The following ATP2B2 variants were observed in gnomAD, a reference collection of about 807,000 sequenced individuals.
The protein encoded by ATP2B2 is plasma membrane calcium-transporting ATPase 2.
In ATP2B2, 15 loss-of-function variants were observed where a neutral mutation model predicts 120.0. The observed-to-expected ratio is 0.12, with a 90% CI of 0.08 to 0.19. The LOEUF is 0.19. Ranked by LOEUF, ATP2B2 falls within the 10% of genes least tolerant of loss-of-function variation. The pLI, the probability that ATP2B2 is intolerant of heterozygous loss-of-function variation, is 1.00. For synonymous variants in ATP2B2, 694 were observed against 700.3 expected (o/e 0.99, Z 0.14); for missense variants, 1,045 against 1,719.8 (o/e 0.61, Z 6.94).
intron 1 of ATP2B2, among the ~76,000 whole-genome samples, chr3:10,474,993 G>A (rs921087965): frequency 2.0e-5 from 3 of 152,326 alleles, no homozygotes; most frequent in Non-Finnish European, 2.9e-5. Context: ...CGTCTGAAAC[G>A]TATCATCACA....
At chr3:10,619,237 AG>A (rs1259228643) in intron 2 of ATP2B2, among the ~76,000 whole-genome samples, 1 of 152,102 alleles carries the variant, frequency 6.6e-6, no homozygotes, top group Non-Finnish European at 1.5e-5. Flanking sequence ...CATGATGGTG[AG>A]GGTTTCAGGC....
intron 2 of ATP2B2, among the ~76,000 whole-genome samples, chr3:10,579,917 G>A (rs952539225): frequency 6.6e-6 from 1 of 152,198 alleles, no homozygotes; most frequent in Non-Finnish European, 1.5e-5. Flanking sequence ...TGTAGCACAA[G>A]TGACTCCATT....
chr3:10,591,793 CT>C lies in ATP2B2; in HGVS notation c.-415+28123del, dbSNP rs553023603. Among the ~76,000 whole-genome samples the C allele has an allele frequency of 3.6e-3, 542 of 152,348 alleles. 3 individuals are homozygous for C. The highest frequency in any genetic ancestry group is 0.012 in the African/African-American group (517 of 41,574). On this transcript the variant is annotated intron_variant, in intron 2 of 21. Coordinates refer to the ATP2B2 transcript ENST00000646379. ...CCAGACGAGGGAGCTTAGGCTTGCA[CT>C]GCTGAAGGCCATTTAAGTAGTGCCA...
chr3:10,680,994 C>T (rs1016954398), intron 1 of ATP2B2, among the ~76,000 whole-genome samples: 13 of 152,240 alleles, frequency 8.5e-5, no homozygotes, highest in Admixed American at 4.6e-4. Flanking sequence ...TGTGCTCTCG[C>T]GAGATCTGGT....
intron 1 of ATP2B2, among the ~76,000 whole-genome samples, chr3:10,480,435 A>T (rs2065365964): frequency 6.6e-6 from 1 of 152,054 alleles, no homozygotes; most frequent in African/African-American, 2.4e-5. Flanking sequence ...TTCTCTCCAT[A>T]AGCTGCCAGA....
chr3:10,377,004 C>T (rs971412032), intron 10 of ATP2B2, among the ~76,000 whole-genome samples: 4 of 152,178 alleles, frequency 2.6e-5, no homozygotes, highest in Non-Finnish European at 4.4e-5. Flanking sequence ...CAATAGATCC[C>T]CTGCCTACCC....
At chr3:10,667,123 G>A (rs372389478) in intron 1 of ATP2B2, among the ~76,000 whole-genome samples, 2 of 152,340 alleles carry the variant, frequency 1.3e-5, no homozygotes, top group South Asian at 4.1e-4. Flanking sequence ...TCTGGAGAAT[G>A]AAGGGACTGG....
intron 1 of ATP2B2, among the ~76,000 whole-genome samples, chr3:10,621,377 G>A (rs527762794): frequency 2.0e-5 from 3 of 152,296 alleles, no homozygotes; most frequent in African/African-American, 7.2e-5. Context: ...AGAGCTCCCC[G>A]CCCCAAATCT....
chr3:10,388,492 G>A, intron 5 of ATP2B2, 90 bp from the exon 6 acceptor site: 3 of 1,588,428 alleles, frequency 1.9e-6, no homozygotes, highest in Non-Finnish European at 1.7e-6. Context: ...GTCAGCTCCT[G>A]GCTCTTTGCC....
Position 10,343,386 on chromosome 3 carries a change from C to A in ATP2B2, c.2704-421G>T, listed in dbSNP as rs2060338407. Reference sequence around the variant, plus strand: ...CCCCTCGGGCTTTCTATCCTACAAACAGTGCCCGTCCCCCACCCCCCCAAT... The same window carrying A: ...CCCCTCGGGCTTTCTATCCTACAAAAAGTGCCCGTCCCCCACCCCCCCAAT... On this transcript the variant is annotated intron_variant, in intron 18 of 22. Transcript: ENST00000360273. The surrounding 1 kb of genome is among the most constrained non-coding windows in gnomAD (Gnocchi z 4.2). 7.2e-6 allele frequency among the ~76,000 whole-genome samples: 1 copy of A among 138,662 alleles called. No individual in the cohort carries two copies. Among genetic ancestry groups the A allele is most frequent in the Non-Finnish European group, 1.5e-5 (1 of 65,232 alleles). The allele number at this position is 138,662 out of a possible 152,430, so 91.0% of individuals were successfully genotyped here. A position where few individuals can be genotyped will look rare whatever the true frequency, so the allele number is the denominator to read the frequency against.
intron 1 of ATP2B2, among the ~76,000 whole-genome samples, chr3:10,672,847 T>C (rs2071134823): frequency 6.6e-6 from 1 of 152,214 alleles, no homozygotes; most frequent in Non-Finnish European, 1.5e-5. Flanking sequence ...AGAGGAATCT[T>C]TGATTCACAT....
intron 3 of ATP2B2, among the ~76,000 whole-genome samples, chr3:10,522,230 T>TGAG (rs1460492860): frequency 2.6e-5 from 4 of 152,206 alleles, no homozygotes; most frequent in African/African-American, 9.7e-5. Flanking sequence ...GTGCCCTATT[T>TGAG]GAGGAGGCTT....
At chr3:10,542,126 C>T (rs926765683) in intron 2 of ATP2B2, among the ~76,000 whole-genome samples, 2 of 152,062 alleles carry the variant, frequency 1.3e-5, no homozygotes, top group African/African-American at 2.4e-5. Flanking sequence ...TTACTTTTAG[C>T]TTGCTTATAT....
intron 1 of ATP2B2, among the ~76,000 whole-genome samples, chr3:10,687,721 C>T (rs186051152): frequency 6.6e-6 from 1 of 152,162 alleles, no homozygotes; most frequent in Non-Finnish European, 1.5e-5. Context: ...ATTAGCCAGG[C>T]GTAGTGGTGC....
At position 10,431,380 on chromosome 3, in the gene ATP2B2, C is replaced by T. The variant is rs866838112; in HGVS notation, c.199+17965G>A. 6.6e-5 allele frequency among the ~76,000 whole-genome samples: 10 copies of T among 152,248 alleles called. No homozygotes were observed. The Middle Eastern group carries it at 0.02, about 311-fold the overall frequency. On this transcript the variant is annotated intron_variant, in intron 2 of 22. Coordinates refer to ENST00000360273, the MANE Select transcript of ATP2B2 (RefSeq NM_001001331.4). Reference sequence around the variant, plus strand: ...GCCTTATTTTCAGAAATTGCCATTGCCACCCCACCTTTAGCAACTGCCACC... The same window carrying T: ...GCCTTATTTTCAGAAATTGCCATTGTCACCCCACCTTTAGCAACTGCCACC...
intron 1 of ATP2B2, among the ~76,000 whole-genome samples, chr3:10,458,341 A>T (rs555195812): frequency 6.6e-6 from 1 of 152,244 alleles, no homozygotes; most frequent in Non-Finnish European, 1.5e-5. Context: ...CAGGATGTGC[A>T]GGCTGGGTCA....
intron 1 of ATP2B2, among the ~76,000 whole-genome samples, chr3:10,478,557 C>T (rs558402069): frequency 6.6e-6 from 1 of 152,242 alleles, no homozygotes; most frequent in East Asian, 1.9e-4. Flanking sequence ...TCTAAGCTTT[C>T]CCATCCAACC....
chr3:10,379,823 G>A lies in ATP2B2; in HGVS notation c.1001-539C>T, dbSNP rs1375547962. Among the ~76,000 whole-genome samples, 5 of 152,172 alleles carry A rather than the reference G, an allele frequency of 3.3e-5. No individual in the cohort carries two copies. The East Asian group carries it at 9.7e-4, about 29-fold the overall frequency. On this transcript the variant is annotated intron_variant, in intron 8 of 22. Coordinates refer to ENST00000360273, the MANE Select transcript of ATP2B2 (RefSeq NM_001001331.4). ...GAGAGAGTGTTTCTAGAATGGAGAG[G>A]AGTTTGGACAAGGCACTGAGGTCAA...
intron 2 of ATP2B2, among the ~76,000 whole-genome samples, chr3:10,616,595 TAAA>T (rs1246192796): frequency 6.6e-6 from 1 of 152,124 alleles, no homozygotes; most frequent in Non-Finnish European, 1.5e-5. Context: ...TGGCTTTGAA[TAAA>T]AAAATTTGTT....
Sources: allele counts gnomAD v4.1 joint callset (sites outside exome capture counted in the v4.1 genomes callset), GRCh38; gene constraint gnomAD v4.1.1; non-coding constraint Gnocchi (gnomAD v3.1); transcripts MANE v1.5; gene names NCBI Gene and HGNC (gene_info 2026-07-23, HGNC 2026-07-21).